Variants in FIG4 observed in about 807,000 individuals in gnomAD.
FIG4 encodes the protein polyphosphoinositide phosphatase.
A neutral mutation model predicts 118.6 loss-of-function variants in FIG4; 112 were observed. The observed-to-expected ratio is 0.94, with a 90% CI of 0.81 to 1.11. The LOEUF is 1.11. Among genes scored for constraint, FIG4 ranks in the 50% least tolerant of loss-of-function variants. The pLI, the probability that FIG4 is intolerant of heterozygous loss-of-function variation, is 0.00. For synonymous variants in FIG4, 369 were observed against 381.2 expected (o/e 0.97, Z 0.37); for missense variants, 969 against 1,111.7 (o/e 0.87, Z 1.83).
At position 109,762,267 on chromosome 6, in the gene FIG4, A is replaced by C. The variant is rs76188472; in HGVS notation, c.1388+60A>C. On this transcript the variant is annotated intron_variant, in intron 12 of 22. Coordinates refer to ENST00000230124, the MANE Select transcript of FIG4 (RefSeq NM_014845.6). ...TGATTTTTGCTCTTATGGGTATTCT[A>C]AATACAGCAGTTTGTACTACTTGGA... 11 of 1,012,188 alleles carry C rather than the reference A, an allele frequency of 1.1e-5. No individual in the cohort carries two copies. The East Asian group carries it at 1.7e-4, about 15-fold the overall frequency. 62.7% of individuals were successfully genotyped at this position (1,012,188 alleles called of 1,614,324 possible). A position where few individuals can be genotyped will look rare whatever the true frequency, so the allele number is the denominator to read the frequency against.
intron 1 of FIG4, among the ~76,000 whole-genome samples, chr6:109,702,373 T>C (rs543362049): frequency 5.3e-5 from 8 of 152,238 alleles, no homozygotes; most frequent in Non-Finnish European, 1.0e-4. Flanking sequence ...TATATTGAAA[T>C]TGTAAGCTTT....
chr6:109,795,102 T>TTTTTG (rs1778244095), intron 21 of FIG4, among the ~76,000 whole-genome samples: 2 of 24,374 alleles, frequency 8.2e-5, no homozygotes, highest in South Asian at 1.7e-3. Flanking sequence ...CCAGTTTTTT[T>TTTTTG]TTTTTTTTTT....
rs1309160709 is a variant in FIG4 at position 109,743,783 on chromosome 6, C to A, written c.1137+11C>A. On this transcript the variant is annotated intron_variant, in intron 10 of 22. Coordinates refer to ENST00000230124, the MANE Select transcript of FIG4 (RefSeq NM_014845.6). ...TTGAATTTAGTGAAGGTATGATGTG[C>A]TCATCTGTTTGGTTATGAGATTCAG... 6 of 1,586,578 alleles carry A rather than the reference C, an allele frequency of 3.8e-6. No individual in the cohort carries two copies. Among genetic ancestry groups the A allele is most frequent in the Non-Finnish European group, 4.3e-6 (5 of 1,155,642 alleles).
intron 10 of FIG4, among the ~76,000 whole-genome samples, chr6:109,756,793 C>T (rs977111222): frequency 6.6e-6 from 1 of 152,204 alleles, no homozygotes; most frequent in African/African-American, 2.4e-5. Flanking sequence ...CCATCAGCTC[C>T]TTTAAGCACT....
At chr6:109,820,242 G>A (rs188848879) in intron 22 of FIG4, among the ~76,000 whole-genome samples, 2 of 152,332 alleles carry the variant, frequency 1.3e-5, no homozygotes, top group African/African-American at 4.8e-5. Flanking sequence ...CAGCTCACAT[G>A]AGAATAGATG....
intron 22 of FIG4, among the ~76,000 whole-genome samples, chr6:109,799,685 T>C (rs1485876271): frequency 1.3e-5 from 2 of 152,174 alleles, no homozygotes; most frequent in African/African-American, 4.8e-5. Context: ...TAACACCAAA[T>C]GTAAAAAATA....
At chr6:109,699,659 T>C (rs773539783) in intron 1 of FIG4, among the ~76,000 whole-genome samples, 1 of 152,022 alleles carries the variant, frequency 6.6e-6, no homozygotes. Flanking sequence ...CACGCCACCA[T>C]GCCCAGCTAA....
At chr6:109,783,450 G>T (rs1260123591) in intron 16 of FIG4, among the ~76,000 whole-genome samples, 2 of 152,114 alleles carry the variant, frequency 1.3e-5, no homozygotes, top group Non-Finnish European at 2.9e-5. Context: ...TGTCTTCTGG[G>T]TTGTACACAG....
At chr6:109,707,821 G>C (rs1486478493) in intron 1 of FIG4, among the ~76,000 whole-genome samples, 1 of 151,998 alleles carries the variant, frequency 6.6e-6, no homozygotes, top group Non-Finnish European at 1.5e-5. Context: ...TGTTTAAAAA[G>C]TGTCACTTTT....
intron 14 of FIG4, among the ~76,000 whole-genome samples, chr6:109,766,408 G>A (rs1284274069): frequency 7.9e-5 from 12 of 152,178 alleles, no homozygotes; most frequent in African/African-American, 2.4e-4. Context: ...AGTACATTCC[G>A]TTATGGGAAG....
At chr6:109,819,098 T>C (rs549212569) in intron 22 of FIG4, among the ~76,000 whole-genome samples, 21 of 152,346 alleles carry the variant, frequency 1.4e-4, no homozygotes, top group African/African-American at 5.1e-4. Context: ...TGGGTATGTG[T>C]AGCTCTCTTC....
intron 13 of FIG4, among the ~76,000 whole-genome samples, chr6:109,764,268 C>T (rs980552761): frequency 2.6e-5 from 4 of 151,860 alleles, no homozygotes; most frequent in African/African-American, 9.7e-5. Context: ...GAAACCCTGT[C>T]TCTACTAAAA....
rs530082391 is a variant in FIG4 at position 109,738,638 on chromosome 6, T to C, written c.775+185T>C. 1.7e-4 allele frequency among the ~76,000 whole-genome samples: 26 copies of C among 152,308 alleles called. No homozygotes were observed. In the Middle Eastern group the frequency reaches 0.01, roughly 60 times the overall value. On this transcript the variant is annotated intron_variant, in intron 7 of 22. Coordinates refer to ENST00000230124, the MANE Select transcript of FIG4 (RefSeq NM_014845.6). ...GCAGACTATTTGAACAGGCCTGTTA[T>C]ATACACATAAAGATGAATAAATAAC...
chr6:109,811,173 C>T (rs1364286921), intron 22 of FIG4, among the ~76,000 whole-genome samples: 2 of 152,022 alleles, frequency 1.3e-5, no homozygotes, highest in African/African-American at 4.8e-5. Flanking sequence ...AAGTAATATT[C>T]GAATCACTGT....
chr6:109,715,944 C>A (rs946981889), intron 2 of FIG4, among the ~76,000 whole-genome samples: 21 of 152,076 alleles, frequency 1.4e-4, no homozygotes, highest in Non-Finnish European at 2.9e-5. Context: ...TAGATAAATT[C>A]TTTGTTACGA....
Position 109,780,419 on chromosome 6 carries a change from C to T in FIG4, c.1889+3359C>T, listed in dbSNP as rs531817969. Among the ~76,000 whole-genome samples, 7 of 152,208 alleles carry T rather than the reference C, an allele frequency of 4.6e-5. No individual in the cohort carries two copies. In the South Asian group the frequency reaches 1.5e-3, roughly 32 times the overall value. The stretch of plus-strand genomic sequence containing the variant: ...GTAGAGACTGGGTTTTGTCATGTTG[C>T]CCAGGCTGGCCTCCAACTCCTGGGC... On this transcript the variant is annotated intron_variant, in intron 16 of 22. Transcript: ENST00000230124.
chr6:109,706,462 A>G (rs1392563205), intron 1 of FIG4, among the ~76,000 whole-genome samples: 7 of 152,086 alleles, frequency 4.6e-5, no homozygotes, highest in Admixed American at 1.3e-4. Flanking sequence ...ATGATTGTCA[A>G]TTTGCATGCT....
intron 7 of FIG4, among the ~76,000 whole-genome samples, chr6:109,738,815 G>A (rs9487197): frequency 0.03 from 4,555 of 152,210 alleles, 235 homozygotes; most frequent in African/African-American, 0.1. Flanking sequence ...CCTTAGCAGC[G>A]AGAGAGATCA....
intron 14 of FIG4, 59 bp from the exon 15 acceptor site, chr6:109,766,670 G>A: frequency 1.4e-6 from 2 of 1,468,516 alleles, no homozygotes; most frequent in Non-Finnish European, 1.9e-6. Flanking sequence ...GTTTGGCTAA[G>A]TGAATAACTT....
Sources: gnomAD v4.1 joint callset for allele counts (sites outside exome capture counted in the v4.1 genomes callset) on GRCh38, gnomAD v4.1.1 for gene constraint, MANE v1.5 for transcripts, NCBI Gene and HGNC (gene_info 2026-07-23, HGNC 2026-07-21) for gene names.